The following AKT3 variants were observed in gnomAD, a reference collection of about 807,000 sequenced individuals.
AKT3 encodes RAC-gamma serine/threonine-protein kinase.
Under a neutral mutation model 65.3 loss-of-function variants are expected in AKT3, and 15 were observed. That is an observed-to-expected ratio of 0.23 (90% CI 0.15 to 0.35). AKT3 has a LOEUF of 0.35. Ranked by LOEUF, AKT3 falls within the 10% of genes least tolerant of loss-of-function variation. AKT3 has a pLI of 1.00. For missense variants in AKT3, 243 were observed against 576.5 expected, an observed-to-expected ratio of 0.42 and a Z score of 5.92; for synonymous variants, 206 against 183.8, an observed-to-expected ratio of 1.12 and a Z score of -0.98.
intron 13 of AKT3, among the ~76,000 whole-genome samples, chr1:243,492,037 C>T (rs963082159): frequency 3.3e-5 from 5 of 152,116 alleles, no homozygotes; most frequent in African/African-American, 2.4e-5. Context: ...CCCCGCTGCC[C>T]CTGGTGGTGG....
chr1:243,579,991 T>C (rs1019518805), intron 8 of AKT3, among the ~76,000 whole-genome samples: 1 of 152,158 alleles, frequency 6.6e-6, no homozygotes, highest in Non-Finnish European at 1.5e-5. Flanking sequence ...AGTCTCAAGA[T>C]GAAGAAGAAT....
intron 12 of AKT3, among the ~76,000 whole-genome samples, chr1:243,536,960 C>T (rs922572336): frequency 3.9e-5 from 6 of 152,160 alleles, no homozygotes; most frequent in Non-Finnish European, 8.8e-5. Flanking sequence ...CTCCTCTGGC[C>T]TTGCTTCACT....
At chr1:243,848,621 G>GTA (rs1695614487) in intron 1 of AKT3, among the ~76,000 whole-genome samples, 1 of 152,154 alleles carries the variant, frequency 6.6e-6, no homozygotes, top group East Asian at 1.9e-4. Flanking sequence ...GCCTAGTGAT[G>GTA]TATAGTTCTA....
intron 6 of AKT3, 42 bp from the exon 7 acceptor site, chr1:243,615,203 C>A: frequency 7.2e-7 from 1 of 1,394,598 alleles, no homozygotes; most frequent in Non-Finnish European, 1.0e-6. Flanking sequence ...ATGTTTTGAG[C>A]ACTGATAATA....
At chr1:243,739,455 A>G (rs919330715) in intron 2 of AKT3, 3 of 152,238 alleles carry the variant, frequency 2.0e-5, no homozygotes, top group African/African-American at 7.2e-5. Flanking sequence ...ATTGTTTAAA[A>G]TTTTAAGTTA....
At chr1:243,612,089 GAATT>G (rs967247461) in intron 8 of AKT3, among the ~76,000 whole-genome samples, 1 of 151,878 alleles carries the variant, frequency 6.6e-6, no homozygotes, top group African/African-American at 2.4e-5. Context: ...CCAAATTAAT[GAATT>G]AAGTTTTGGG....
intron 2 of AKT3, among the ~76,000 whole-genome samples, chr1:243,827,863 G>A (rs1694264513): frequency 6.6e-6 from 1 of 152,032 alleles, no homozygotes; most frequent in African/African-American, 2.4e-5. Context: ...GAAAGATGAA[G>A]CCTGAGGAAG....
intron 2 of AKT3, among the ~76,000 whole-genome samples, chr1:243,739,260 A>G (rs1352948776): frequency 6.6e-6 from 1 of 152,220 alleles, no homozygotes; most frequent in Non-Finnish European, 1.5e-5. Flanking sequence ...TATATCCAAA[A>G]TATGATCATT....
At chr1:243,496,851 A>G (rs1009350943), downstream of AKT3, among the ~76,000 whole-genome samples, 10 of 152,260 alleles carry the variant, frequency 6.6e-5, no homozygotes, top group Non-Finnish European at 1.3e-4. Flanking sequence ...AGGATTTAAA[A>G]TGAGAACAAA....
At chr1:243,832,678 G>A (rs923979882) in intron 2 of AKT3, among the ~76,000 whole-genome samples, 18 of 152,138 alleles carry the variant, frequency 1.2e-4, no homozygotes, top group Admixed American at 5.9e-4. Context: ...TGAAACTAGA[G>A]TGGAATGGCT....
At chr1:243,704,773 T>C (rs1214538471) in intron 2 of AKT3, among the ~76,000 whole-genome samples, 1 of 152,184 alleles carries the variant, frequency 6.6e-6, no homozygotes, top group Non-Finnish European at 1.5e-5. Flanking sequence ...GAATAATAAA[T>C]AACACATCTT....
At chr1:243,774,915 T>A (rs528109227) in intron 2 of AKT3, among the ~76,000 whole-genome samples, 1 of 152,338 alleles carries the variant, frequency 6.6e-6, no homozygotes, top group East Asian at 1.9e-4. Flanking sequence ...CAGGCTGGAA[T>A]GCATTGGTGC....
intron 9 of AKT3, among the ~76,000 whole-genome samples, chr1:243,566,614 G>A (rs548916642): frequency 3.3e-5 from 5 of 152,230 alleles, no homozygotes; most frequent in Middle Eastern, 3.4e-3. Flanking sequence ...AAGTCAGAGG[G>A]TTCATATTAA....
At chr1:243,602,608 T>C (rs555700033) in intron 8 of AKT3, among the ~76,000 whole-genome samples, 1 of 152,246 alleles carries the variant, frequency 6.6e-6, no homozygotes, top group Admixed American at 6.5e-5. Context: ...GGTTCACTGA[T>C]AACAAAATGC....
chr1:243,599,403 A>G (rs1365459908), intron 8 of AKT3, among the ~76,000 whole-genome samples: 3 of 152,170 alleles, frequency 2.0e-5, no homozygotes, highest in Non-Finnish European at 4.4e-5. Flanking sequence ...TAAAAAATAC[A>G]TGGAAGTAAA....
At chr1:243,535,273 T>C (rs1238368385) in intron 12 of AKT3, among the ~76,000 whole-genome samples, 1 of 126,026 alleles carries the variant, frequency 7.9e-6, no homozygotes, top group East Asian at 2.0e-4. Context: ...GTTACATGGA[T>C]GAATTGTATA....
chr1:243,583,098 ATATC>A (rs1156407173), intron 8 of AKT3, among the ~76,000 whole-genome samples: 7 of 147,882 alleles, frequency 4.7e-5, no homozygotes, highest in African/African-American at 1.2e-4. Flanking sequence ...ATATATATAT[ATATC>A]TCTCTCTCTC....
At chr1:243,710,283 T>C (rs1379543095) in intron 2 of AKT3, among the ~76,000 whole-genome samples, 1 of 152,200 alleles carries the variant, frequency 6.6e-6, no homozygotes, top group African/African-American at 2.4e-5. Context: ...ATATTTCCAC[T>C]TCTTTGGTAC....
chr1:243,783,847 A>G (rs926976199), intron 2 of AKT3, among the ~76,000 whole-genome samples: 2 of 152,204 alleles, frequency 1.3e-5, no homozygotes, highest in Non-Finnish European at 2.9e-5. Context: ...CACAAAATTA[A>G]CAATAAGAAA....
Sources: gnomAD v4.1 joint callset for allele counts (sites outside exome capture counted in the v4.1 genomes callset) on GRCh38, gnomAD v4.1.1 for gene constraint, MANE v1.5 for transcripts, NCBI Gene and HGNC (gene_info 2026-07-23, HGNC 2026-07-21) for gene names.